Variants in ATP6V0A4 observed in about 807,000 individuals in gnomAD.
ATP6V0A4 encodes the protein ATPase H+ transporting V0 subunit a4, also known as V-type proton ATPase 116 kDa subunit a 4.
A neutral mutation model predicts 107.3 loss-of-function variants in ATP6V0A4; 86 were observed. The observed-to-expected ratio is 0.80, with a 90% CI of 0.67 to 0.96. ATP6V0A4 has a LOEUF of 0.96. Among genes scored for constraint, ATP6V0A4 ranks in the 40% least tolerant of loss-of-function variants. ATP6V0A4 has a pLI of 0.00. For missense variants in ATP6V0A4, 908 were observed against 1,045.6 expected (o/e 0.87, Z 1.81); for synonymous variants, 353 against 381.4 (o/e 0.93, Z 0.87).
intron 17 of ATP6V0A4, among the ~76,000 whole-genome samples, chr7:138,731,815 C>T (rs866133826): frequency 5.3e-5 from 8 of 152,026 alleles, no homozygotes. Flanking sequence ...ATCACTTGAA[C>T]CCAGGAGGCG....
At chr7:138,739,934 G>A (rs948681851) in intron 14 of ATP6V0A4, among the ~76,000 whole-genome samples, 2 of 152,018 alleles carry the variant, frequency 1.3e-5, no homozygotes, top group African/African-American at 4.8e-5. Context: ...CTTAAGTCCA[G>A]GAGTTTGAGA....
chr7:138,785,972 C>A (rs994144856), intron 2 of ATP6V0A4, among the ~76,000 whole-genome samples, 186 bp downstream of exon 2: 1 of 152,204 alleles, frequency 6.6e-6, no homozygotes, highest in African/African-American at 2.4e-5. Flanking sequence ...TGCTGTTCTA[C>A]CACTTTCTGT....
At position 138,732,904 on chromosome 7, in the gene ATP6V0A4, A is replaced by G. The variant is rs763125336; in HGVS notation, c.1881T>C (p.Ser627=). 7.8e-5 allele frequency: 126 copies of G among 1,613,338 alleles called. No homozygotes were observed. The highest frequency in any genetic ancestry group is 1.0e-4 in the Non-Finnish European group (123 of 1,179,698). ...INMFLFNYSD[S]SNAPLYKHQQ... ...GATGTTTGTAGAGGGGTGCGTTGGAAGAGTCACTGTAGTTAAACAGAAACA... is the reference window on the plus strand; with the variant it reads ...GATGTTTGTAGAGGGGTGCGTTGGAGGAGTCACTGTAGTTAAACAGAAACA... The change falls in exon 17 of 22, where the codon TCT becomes TCC. Residue 627 remains serine, a synonymous_variant. Transcript: ENST00000310018.
chr7:138,755,364 G>C (rs896348934), intron 10 of ATP6V0A4, among the ~76,000 whole-genome samples: 5 of 152,172 alleles, frequency 3.3e-5, no homozygotes, highest in African/African-American at 1.2e-4. Context: ...TAATTGGCTG[G>C]GTGGTTGTAT....
intron 1 of ATP6V0A4, among the ~76,000 whole-genome samples, chr7:138,786,755 AAATGCTGGGATTACAGGCATGAG>A (rs1421082483): frequency 6.6e-6 from 1 of 152,058 alleles, no homozygotes; most frequent in Non-Finnish European, 1.5e-5. Context: ...CAGCCTCCCA[AAATGCTGGGATTACAGGCATGAG>A]CCACCACACC....
chr7:138,768,927 C>T (rs776283882), intron 4 of ATP6V0A4, 53 bp from the exon 5 acceptor site: 87 of 1,609,110 alleles, frequency 5.4e-5, no homozygotes, highest in Non-Finnish European at 7.2e-5. Context: ...TTTCTCATAA[C>T]TAAGAAATGA....
At chr7:138,706,949 A>G (rs1305647153) in intron 21 of ATP6V0A4, among the ~76,000 whole-genome samples, 2 of 130,868 alleles carry the variant, frequency 1.5e-5, no homozygotes, top group African/African-American at 6.1e-5. Flanking sequence ...GCTGGAGTGC[A>G]GTGTCGTGAT....
chr7:138,768,211 G>C (rs1229454706), intron 5 of ATP6V0A4, among the ~76,000 whole-genome samples: 1 of 152,068 alleles, frequency 6.6e-6, no homozygotes, highest in Non-Finnish European at 1.5e-5. Context: ...GGATTACAGG[G>C]GTGAGCCACT....
intron 20 of ATP6V0A4, among the ~76,000 whole-genome samples, chr7:138,712,923 G>A (rs1803820480): frequency 6.6e-6 from 1 of 152,130 alleles, no homozygotes; most frequent in African/African-American, 2.4e-5. Flanking sequence ...GAAGCGCTGA[G>A]ATCCACTCTA....
At chr7:138,709,927 T>C in intron 20 of ATP6V0A4, 132 bp from the exon 21 acceptor site, 1 of 1,104,778 alleles carries the variant, frequency 9.1e-7, no homozygotes, top group Non-Finnish European at 1.2e-6. Context: ...TTGCCTAGGA[T>C]GGTCTCCAAC....
At position 138,706,481 on chromosome 7, in the gene ATP6V0A4, A is replaced by G; in HGVS notation, c.*143T>C. On this transcript the variant is annotated 3_prime_UTR_variant, in exon 22 of 22. Coordinates refer to ENST00000310018, the MANE Select transcript of ATP6V0A4 (RefSeq NM_020632.3). ...TAAGTCGTATCAAATCCACAGGCTG[A>G]CGTCCAAATAATACACAGTTTCATG... The G allele has an allele frequency of 2.0e-6, 2 of 1,017,386 alleles. No homozygotes were observed. Among genetic ancestry groups the G allele is most frequent in the Non-Finnish European group, 2.9e-6 (2 of 678,198 alleles). 63.0% of individuals were successfully genotyped at this position (1,017,386 alleles called of 1,614,324 possible). A position where few individuals can be genotyped will look rare whatever the true frequency, so the allele number is the denominator to read the frequency against.
At position 138,763,034 on chromosome 7, in the gene ATP6V0A4, G is replaced by T. The variant is rs1279522774; in HGVS notation, c.292-9C>A. On this transcript the variant is annotated splice_polypyrimidine_tract_variant and intron_variant, in intron 5 of 21. Transcript: ENST00000310018. ...AGTTTTTCTAGAACAGTCTATGCAG[G>T]AAGGAAAAAGAAGGTAAGCCAACAG... 1 of 1,613,882 alleles carries T rather than the reference G, an allele frequency of 6.2e-7. No homozygotes were observed. The highest frequency in any genetic ancestry group is 1.7e-5 in the Admixed American group (1 of 59,964).
intron 15 of ATP6V0A4, among the ~76,000 whole-genome samples, chr7:138,735,559 G>A (rs1194171141): frequency 6.6e-6 from 1 of 152,156 alleles, no homozygotes; most frequent in Admixed American, 6.6e-5. Context: ...AATGTCCTGA[G>A]CCAGGCCAGA....
intron 1 of ATP6V0A4, among the ~76,000 whole-genome samples, chr7:138,792,562 G>T (rs746542019): frequency 5.3e-5 from 8 of 152,096 alleles, no homozygotes; most frequent in Non-Finnish European, 8.8e-5. Context: ...TAGATGGGAA[G>T]AGTAGAGAGC....
chr7:138,785,192 C>T (rs1808120650), intron 2 of ATP6V0A4, among the ~76,000 whole-genome samples: 1 of 152,016 alleles, frequency 6.6e-6, no homozygotes, highest in Non-Finnish European at 1.5e-5. Context: ...TCTGATTTTT[C>T]TGAACTGAAT....
At chr7:138,769,147 GAAAAA>G in intron 4 of ATP6V0A4, 21 bp downstream of exon 4, 5 of 1,561,594 alleles carry the variant, frequency 3.2e-6, no homozygotes, top group South Asian at 2.3e-5. Context: ...TGAACAGTAA[GAAAAA>G]AAAAAAAAAA....
chr7:138,784,236 GTATATATATATA>G (rs869254063), intron 2 of ATP6V0A4, among the ~76,000 whole-genome samples: 1 of 16,818 alleles, frequency 5.9e-5, no homozygotes, highest in African/African-American at 1.5e-4. Context: ...ATATATATAC[GTATATATATATA>G]TATACATATA....
Position 138,745,147 on chromosome 7 carries a change from G to A in ATP6V0A4, c.1454C>T (p.Pro485Leu). 1 of 1,614,100 alleles carries A rather than the reference G, an allele frequency of 6.2e-7. No individual in the cohort carries two copies. The highest frequency in any genetic ancestry group is 1.3e-5 in the African/African-American group (1 of 75,048). Residue 485 changes from proline to leucine, a missense_variant, in exon 14 of 22, where the codon CCC (proline) becomes CTC (leucine). Coordinates refer to ENST00000310018, the MANE Select transcript of ATP6V0A4 (RefSeq NM_020632.3). ...NIFGSSWSVQ[P>L]MFRNGTWNTH... ...CTTCCATGTGCCGTTTCTGAACATG[G>A]GTTGGACACTCCAAGAAGAGCCAAA... is the stretch of plus-strand genomic sequence containing the variant.
chr7:138,781,520 C>T (rs759475754), intron 2 of ATP6V0A4, among the ~76,000 whole-genome samples: 16 of 152,194 alleles, frequency 1.1e-4, no homozygotes, highest in Admixed American at 5.9e-4. Context: ...TTAGTAGACA[C>T]GGGGTTTCAC....
Sources: allele counts gnomAD v4.1 joint callset (sites outside exome capture counted in the v4.1 genomes callset), GRCh38; gene constraint gnomAD v4.1.1; transcripts MANE v1.5; gene names NCBI Gene and HGNC (gene_info 2026-07-23, HGNC 2026-07-21).